Variants in EHMT1 observed in about 807,000 individuals in gnomAD.
EHMT1 encodes euchromatic histone lysine methyltransferase 1.
A neutral mutation model predicts 147.2 loss-of-function variants in EHMT1; 15 were observed. The ratio of observed to expected loss-of-function variants is 0.10; its 90% CI spans 0.07 to 0.16. The LOEUF is 0.16. Ranked by LOEUF, EHMT1 falls within the 10% of genes least tolerant of loss-of-function variation. The pLI, the probability that EHMT1 is intolerant of heterozygous loss-of-function variation, is 1.00. For missense variants in EHMT1, 1,587 were observed against 1,772.4 expected (o/e 0.90, Z 1.88); for synonymous variants, 795 against 709.6 (o/e 1.12, Z -1.91).
intron 2 of EHMT1, among the ~76,000 whole-genome samples, chr9:137,715,963 C>A (rs1187339518): frequency 6.6e-6 from 1 of 150,902 alleles, no homozygotes; most frequent in Non-Finnish European, 1.5e-5. Flanking sequence ...TGCTATGAAA[C>A]AAAATAATTT....
At chr9:137,718,962 G>T (rs1337008420) in intron 3 of EHMT1, among the ~76,000 whole-genome samples, 1 of 151,928 alleles carries the variant, frequency 6.6e-6, no homozygotes, top group Non-Finnish European at 1.5e-5. Flanking sequence ...CACCATGTTG[G>T]CCAGGCTGTT....
intron 25 of EHMT1, chr9:137,832,617 T>G (rs1228568662): frequency 1.3e-5 from 2 of 155,110 alleles, no homozygotes; most frequent in Non-Finnish European, 2.9e-5. Context: ...CCTCCCACGT[T>G]GCCTATCTGC....
intron 7 of EHMT1, 86 bp from the exon 8 acceptor site, chr9:137,754,085 T>C (rs1949195813): frequency 6.2e-7 from 1 of 1,602,498 alleles, no homozygotes. Flanking sequence ...CAGTGTTCTG[T>C]TTTGCAAGAA....
intron 6 of EHMT1, chr9:137,747,848 C>T (rs1325587781): frequency 2.0e-5 from 3 of 152,114 alleles, no homozygotes; most frequent in South Asian, 2.1e-4. Context: ...GAGTGCTAAC[C>T]GTGTAGGATG....
At chr9:137,629,739 A>G (rs1250270159) in intron 1 of EHMT1, among the ~76,000 whole-genome samples, 3 of 151,980 alleles carry the variant, frequency 2.0e-5, no homozygotes, top group Admixed American at 6.6e-5. Flanking sequence ...CATGTTAGCC[A>G]GGCTGGTCTC....
At chr9:137,651,774 G>A (rs931883498) in intron 1 of EHMT1, among the ~76,000 whole-genome samples, 2 of 152,096 alleles carry the variant, frequency 1.3e-5, no homozygotes, top group South Asian at 4.1e-4. Flanking sequence ...CAGCCTGAGT[G>A]ACAGCGAGAC....
In EHMT1 at chr9:137,834,441, C is replaced by T. The variant is rs552307688; in HGVS notation, c.3633C>T (p.Arg1211=). ...GCGAGCCCAACCTGGTGCCCGTGCG[C>T]GTGTTCATGGCCCACCAGGACCTGC... ...HHCEPNLVPV[R]VFMAHQDLRF... The change falls in exon 26 of 27, where the codon CGC becomes CGT. Residue 1211 remains arginine (R), a synonymous_variant. Transcript: ENST00000460843. The T allele has an allele frequency of 3.1e-6, 5 of 1,613,252 alleles. No individual in the cohort carries two copies. The highest frequency in any genetic ancestry group is 2.7e-5 in the African/African-American group (2 of 75,054).
chr9:137,737,579 G>C (rs1056987326), intron 4 of EHMT1, among the ~76,000 whole-genome samples: 15 of 152,088 alleles, frequency 9.9e-5, no homozygotes, highest in Admixed American at 3.3e-4. Context: ...TAGGACAAAG[G>C]CTCCACAACC....
intron 25 of EHMT1, 111 bp from the exon 26 acceptor site, chr9:137,834,238 G>C: frequency 7.1e-7 from 1 of 1,413,354 alleles, no homozygotes; most frequent in Non-Finnish European, 9.6e-7. Context: ...CCTGCATGGC[G>C]GGCCTGCGCC....
At chr9:137,744,187 A>T in intron 6 of EHMT1, 97 bp downstream of exon 6, 2 of 1,298,666 alleles carry the variant, frequency 1.5e-6, no homozygotes, top group Non-Finnish European at 2.2e-6. Context: ...CTAGACCCTG[A>T]TAAAATCCCC....
At chr9:137,766,314 T>TA (rs1950214682) in intron 10 of EHMT1, among the ~76,000 whole-genome samples, 1 of 152,222 alleles carries the variant, frequency 6.6e-6, no homozygotes, top group Admixed American at 6.5e-5. Flanking sequence ...GGAATGGTTT[T>TA]ATAGAGAGAC....
chr9:137,718,638 T>A lies in EHMT1; in HGVS notation c.642+1456T>A, dbSNP rs55969625. ...CTCTGTCTGTTTCCAGCTTCCTTAC[T>A]GGTTCCTCAGCCCTTCCCCTTCTTG... On this transcript the variant is annotated intron_variant, in intron 3 of 26. Coordinates refer to ENST00000460843, the MANE Select transcript of EHMT1 (RefSeq NM_024757.5). Among the ~76,000 whole-genome samples, 499 of 152,318 alleles carry A rather than the reference T, an allele frequency of 3.3e-3. 1 individual carries two copies. The highest frequency in any genetic ancestry group is 5.0e-3 in the Non-Finnish European group (337 of 68,026).
rs770086341 is a variant in EHMT1, at chr9:137,716,909, C to T, written c.369C>T (p.Asn123=). ...DFVQTSVIGS[N]GYILNKPALQ... ...TGCAGACTTCTGTCATCGGCAGCAA[C>T]GGATACATCTTAAATAAGCCGGCCC... Residue 123 remains asparagine (N), a synonymous_variant, in exon 3 of 27, where the codon AAC becomes AAT. Transcript: ENST00000460843. 4.8e-5 allele frequency: 78 copies of T among 1,613,078 alleles called. No homozygotes were observed. The East Asian group carries it at 5.1e-4, about 11-fold the overall frequency.
intron 1 of EHMT1, among the ~76,000 whole-genome samples, chr9:137,622,324 T>A (rs947967757): frequency 6.6e-6 from 1 of 152,094 alleles, no homozygotes; most frequent in African/African-American, 2.4e-5. Context: ...TTCACCATGT[T>A]GGCCAGGCTT....
intron 6 of EHMT1, among the ~76,000 whole-genome samples, 170 bp downstream of exon 6, chr9:137,744,260 C>T (rs1287756450): frequency 1.3e-5 from 2 of 152,030 alleles, no homozygotes; most frequent in Non-Finnish European, 1.5e-5. Context: ...TATTTTCATT[C>T]AAGAAGTATT....
At chr9:137,756,266 C>G (rs1949370973) in intron 8 of EHMT1, among the ~76,000 whole-genome samples, 1 of 152,224 alleles carries the variant, frequency 6.6e-6, no homozygotes, top group Non-Finnish European at 1.5e-5. Context: ...CTGCCATAGG[C>G]ACTGCTGCTT....
chr9:137,714,038 A>T (rs1309390444), intron 2 of EHMT1, among the ~76,000 whole-genome samples: 3 of 152,218 alleles, frequency 2.0e-5, no homozygotes, highest in Non-Finnish European at 4.4e-5. Flanking sequence ...AGTTCTAATG[A>T]TTTAAACTTC....
intron 3 of EHMT1, among the ~76,000 whole-genome samples, chr9:137,727,951 G>A (rs1216945749): frequency 6.6e-6 from 1 of 152,240 alleles, no homozygotes; most frequent in African/African-American, 2.4e-5. Context: ...CCCATTTTGG[G>A]TATTTTTTAG....
At chr9:137,730,668 A>G (rs1216792603) in intron 4 of EHMT1, among the ~76,000 whole-genome samples, 1 of 152,084 alleles carries the variant, frequency 6.6e-6, no homozygotes, top group Non-Finnish European at 1.5e-5. Flanking sequence ...ATCATTATTT[A>G]TTTTGTTGCT....
Sources: allele counts gnomAD v4.1 joint callset (sites outside exome capture counted in the v4.1 genomes callset), GRCh38; gene constraint gnomAD v4.1.1; transcripts MANE v1.5; gene names NCBI Gene and HGNC (gene_info 2026-07-23, HGNC 2026-07-21).